Variants in FSCN2 observed in about 807,000 individuals in gnomAD.
FSCN2 encodes fascin actin-bundling protein 2, retinal, also known as fascin-2.
In FSCN2, 46 loss-of-function variants were observed where a neutral mutation model predicts 37.8. The ratio of observed to expected loss-of-function variants is 1.22; its 90% CI spans 0.96 to 1.56. The LOEUF is 1.56. FSCN2 is among the 40% of genes most tolerant of loss of function. The pLI is 0.00. For missense variants in FSCN2, 844 were observed against 730.4 expected, an observed-to-expected ratio of 1.16 and a Z score of -1.79; for synonymous variants, 351 against 309.4, an observed-to-expected ratio of 1.13 and a Z score of -1.41.
the FSCN2 span, among the ~76,000 whole-genome samples, chr17:81,518,683 C>T: frequency 6.6e-6 from 1 of 152,124 alleles, no homozygotes; most frequent in East Asian, 1.9e-4. Context: ...CCAGTGTGCG[C>T]GGGGCACCGA....
In FSCN2 at chr17:81,532,191, ATGG is replaced by A. The variant is rs1273821496; in HGVS notation, c.826+2846_827-2847del. Among the ~76,000 whole-genome samples, 47 of 104,940 alleles carry A rather than the reference ATGG, an allele frequency of 4.5e-4. No homozygotes were observed. The South Asian group carries it at 4.8e-3, about 11-fold the overall frequency. 68.8% of individuals were successfully genotyped at this position (104,940 alleles called of 152,430 possible). Reference sequence around the variant, plus strand: ...GATGGTGGTGGTGATGGTGGTGGTGATGGTGGTGGTGGTGATGATAGTGATGGT... The same window carrying A: ...GATGGTGGTGGTGATGGTGGTGGTGATGGTGGTGGTGATGATAGTGATGGT... On this transcript the variant is annotated intron_variant, in intron 1 of 4. Transcript: ENST00000417245.
rs2032893505 is a variant in FSCN2, at chr17:81,536,756, C to T, written c.1240C>T (p.Leu414=). The part of the protein sequence containing the change: ...TNRSVYDVFH[L]SFSDGAYRIR... ...CCGCTCCGTCTACGACGTCTTCCACCTGAGCTTCAGCGACGGCGCCTACCG... is the reference window on the plus strand; with the variant it reads ...CCGCTCCGTCTACGACGTCTTCCACTTGAGCTTCAGCGACGGCGCCTACCG... Residue 414 remains leucine, a synonymous_variant, in exon 4 of 5, where the codon CTG becomes TTG. Coordinates refer to ENST00000417245, the MANE Select transcript of FSCN2 (RefSeq NM_012418.4). The T allele has an allele frequency of 1.9e-6, 3 of 1,608,578 alleles. No homozygotes were observed. Among genetic ancestry groups the T allele is most frequent in the Admixed American group, 3.3e-5 (2 of 59,708 alleles).
At chr17:81,525,906 C>T (rs530940481), upstream of FSCN2, among the ~76,000 whole-genome samples, 6 of 152,200 alleles carry the variant, frequency 3.9e-5, no homozygotes, top group South Asian at 4.1e-4. Context: ...TCCCTGTAAA[C>T]GGCCTCCCTC....
intron 1 of FSCN2, among the ~76,000 whole-genome samples, chr17:81,534,472 A>T (rs1022792554): frequency 3.3e-5 from 5 of 152,072 alleles, no homozygotes; most frequent in African/African-American, 1.2e-4. Flanking sequence ...TGCTGTCCCC[A>T]TGCTGGGCAT....
At chr17:81,531,297 A>G (rs373325840) in intron 1 of FSCN2, among the ~76,000 whole-genome samples, 16,201 of 43,584 alleles carry the variant, frequency 0.37, 1,296 homozygotes, top group South Asian at 0.47. Context: ...GATGGTGGTG[A>G]TGGTGATGGT....
chr17:81,526,943 T>G (rs2032369029), upstream of FSCN2: 1 of 152,370 alleles, frequency 6.6e-6, no homozygotes, highest in African/African-American at 2.4e-5. Flanking sequence ...CGTCGTGGCG[T>G]ACGCTGTGCC....
chr17:81,527,001 C>G (rs2032370928), upstream of FSCN2: 1 of 152,356 alleles, frequency 6.6e-6, no homozygotes, highest in Non-Finnish European at 1.5e-5. Context: ...ACCCTGGCCC[C>G]TGAGCGTGGG....
intron 1 of FSCN2, among the ~76,000 whole-genome samples, chr17:81,531,593 GATAGTGATGATA>G (rs1449890940): frequency 1.4e-5 from 2 of 141,114 alleles, no homozygotes; most frequent in South Asian, 4.6e-4. Flanking sequence ...TGGTGATGGT[GATAGTGATGATA>G]ATGGTGATGA....
At chr17:81,526,100 C>T (rs12946903), upstream of FSCN2, among the ~76,000 whole-genome samples, 45,632 of 152,162 alleles carry the variant, frequency 0.3, 7,714 homozygotes, top group Non-Finnish European at 0.39. Flanking sequence ...TAGTGCCGGG[C>T]GGCCAGGCTT....
chr17:81,524,791 A>G (rs1344011926), upstream of FSCN2, among the ~76,000 whole-genome samples: 1 of 151,984 alleles, frequency 6.6e-6, no homozygotes, highest in Non-Finnish European at 1.5e-5. Flanking sequence ...AGCCCTGAGT[A>G]GGCTCTCAGG....
intron 1 of FSCN2, among the ~76,000 whole-genome samples, chr17:81,534,215 T>C (rs1420488395): frequency 1.3e-5 from 2 of 152,116 alleles, no homozygotes; most frequent in Non-Finnish European, 1.5e-5. Context: ...GGTCACAGCC[T>C]GGCATCCTCT....
chr17:81,529,739 G>T (rs2032488320), intron 1 of FSCN2: 1 of 493,292 alleles, frequency 2.0e-6, no homozygotes, highest in East Asian at 5.5e-5. Context: ...GCCATGAGGG[G>T]CATGTGGGCA....
At chr17:81,533,213 G>A (rs1252967127) in intron 1 of FSCN2, among the ~76,000 whole-genome samples, 1 of 152,166 alleles carries the variant, frequency 6.6e-6, no homozygotes, top group East Asian at 1.9e-4. Context: ...AGGGGAGTGA[G>A]CACCCAGGCT....
intron 2 of FSCN2, among the ~76,000 whole-genome samples, 171 bp downstream of exon 2, chr17:81,535,379 C>T (rs1331816363): frequency 3.5e-5 from 5 of 141,232 alleles, no homozygotes; most frequent in African/African-American, 6.0e-5. Context: ...TCACCATCAT[C>T]GCCATCCCCA....
At chr17:81,527,977 T>C (rs1391146076), upstream of FSCN2, among the ~76,000 whole-genome samples, 3 of 152,010 alleles carry the variant, frequency 2.0e-5, no homozygotes, top group Non-Finnish European at 2.9e-5. Flanking sequence ...GCTGAGGGCC[T>C]GGCGGCCACC....
chr17:81,531,896 GGTGATA>G (rs1193511738), intron 1 of FSCN2, among the ~76,000 whole-genome samples: 4 of 149,900 alleles, frequency 2.7e-5, no homozygotes, highest in Non-Finnish European at 4.4e-5. Flanking sequence ...TGGCGATGAT[GGTGATA>G]GTGATGGTGA....
chr17:81,535,592 T>C (rs1279531328), intron 2 of FSCN2, among the ~76,000 whole-genome samples: 3 of 63,414 alleles, frequency 4.7e-5, no homozygotes, highest in Non-Finnish European at 6.5e-5. Context: ...TCTCTATCTC[T>C]ACCATGCCCA....
chr17:81,537,116 CGT>C lies in FSCN2; in HGVS notation c.*39_*40del. On this transcript the variant is annotated 3_prime_UTR_variant, in exon 5 of 5. Transcript: ENST00000417245. ...AGACCAGCCTGTCGCGCATTAAAAC[CGT>C]GTCTCTCCCGCAGCTGTGGGTGGGC... The C allele has an allele frequency of 1.5e-6, 2 of 1,360,378 alleles. No homozygotes were observed. Among genetic ancestry groups the C allele is most frequent in the East Asian group, 3.0e-5 (1 of 32,980 alleles). 84.3% of individuals were successfully genotyped at this position (1,360,378 alleles called of 1,614,324 possible).
chr17:81,527,762 C>G (rs566869665), upstream of FSCN2: 2 of 152,232 alleles, frequency 1.3e-5, no homozygotes, highest in African/African-American at 2.4e-5. Flanking sequence ...GGCCCAGGGC[C>G]TCTGACTCTG....
Sources: gnomAD v4.1 joint callset for allele counts (sites outside exome capture counted in the v4.1 genomes callset) on GRCh38, gnomAD v4.1.1 for gene constraint, MANE v1.5 for transcripts, NCBI Gene and HGNC (gene_info 2026-07-23, HGNC 2026-07-21) for gene names.